Variants in CDYL observed in about 807,000 individuals in gnomAD.
CDYL encodes chromodomain Y like, also known as chromodomain Y-like protein.
A neutral mutation model predicts 47.3 loss-of-function variants in CDYL; 8 were observed. The observed-to-expected ratio is 0.17, with a 90% CI of 0.10 to 0.31. The LOEUF is 0.31. Ranked by LOEUF, CDYL falls within the 10% of genes least tolerant of loss-of-function variation. The probability of loss-of-function intolerance (pLI) is 1.00; values close to 1 mark genes in which losing one functional copy is unlikely to be tolerated. For synonymous variants in CDYL, 266 were observed against 265.0 expected, an observed-to-expected ratio of 1.00 and a Z score of -0.04; for missense variants, 471 against 701.4, an observed-to-expected ratio of 0.67 and a Z score of 3.71.
At chr6:4,733,443 A>T (rs1757645221) in intron 2 of CDYL, among the ~76,000 whole-genome samples, 1 of 151,994 alleles carries the variant, frequency 6.6e-6, no homozygotes, top group South Asian at 2.1e-4. Context: ...AAAAGAAAAA[A>T]GTGAGTGGTT....
rs767150582 is a variant in CDYL at position 4,954,073 on chromosome 6, T to C, written c.*17T>C. 6.2e-7 allele frequency: 1 copy of C among 1,610,178 alleles called. No individual in the cohort carries two copies. The highest frequency in any genetic ancestry group is 8.5e-7 in the Non-Finnish European group (1 of 1,177,448). On this transcript the variant is annotated 3_prime_UTR_variant, in exon 7 of 7. Coordinates refer to ENST00000397588, the MANE Select transcript of CDYL (RefSeq NM_004824.4). ...GAGTTCTGAGTGTCGGGCTGCCCAC[T>C]GGTGACACCGGGATCGGGCTGAGCA... is the stretch of plus-strand genomic sequence containing the variant.
intron 5 of CDYL, among the ~76,000 whole-genome samples, chr6:4,948,911 C>T (rs904580726): frequency 1.3e-5 from 2 of 152,232 alleles, no homozygotes; most frequent in Admixed American, 6.5e-5. Context: ...TAAATGATGT[C>T]GTTCCTTTCA....
In CDYL at chr6:4,927,428, C is replaced by CGTGTGTGTGTGTGTGTGTGTGTGTGT. The variant is rs35317751; in HGVS notation, c.692-8080_692-8055dup. On this transcript the variant is annotated intron_variant, in intron 2 of 6. Coordinates refer to ENST00000397588, the MANE Select transcript of CDYL (RefSeq NM_004824.4). The stretch of plus-strand genomic sequence containing the variant: ...CATTCCATCATTCGAATTTACTGTA[C>CGTGTGTGTGTGTGTGTGTGTGTGTGT]GTGTGTGTGTGTGTGTGTGTGTGTG... 2.0e-4 allele frequency among the ~76,000 whole-genome samples: 28 copies of CGTGTGTGTGTGTGTGTGTGTGTGTGT among 142,456 alleles called. 1 individual carries two copies. The highest frequency in any genetic ancestry group is 4.3e-4 in the African/African-American group (16 of 37,040). The allele number at this position is 142,456 out of a possible 152,430, so 93.5% of individuals were successfully genotyped here.
At chr6:4,868,044 G>A (rs1761371272) in intron 1 of CDYL, among the ~76,000 whole-genome samples, 1 of 151,748 alleles carries the variant, frequency 6.6e-6, no homozygotes, top group Non-Finnish European at 1.5e-5. Context: ...TATCAGTTTT[G>A]TTGAACCTTT....
In CDYL at chr6:4,737,373, C is replaced by G. The variant is rs1377038573; in HGVS notation, c.186+2529C>G. Among the ~76,000 whole-genome samples, 3 of 132,260 alleles carry G rather than the reference C, an allele frequency of 2.3e-5. No homozygotes were observed. The Admixed American group carries it at 2.3e-4, about 10-fold the overall frequency. 86.8% of individuals were successfully genotyped at this position (132,260 alleles called of 152,430 possible). Reference sequence around the variant, plus strand: ...TATTTGCAACAAAAATTAAAAGGGGCCAGGCGCAGTGGCTCACGCCTGTAA... The same window carrying G: ...TATTTGCAACAAAAATTAAAAGGGGGCAGGCGCAGTGGCTCACGCCTGTAA... On this transcript the variant is annotated intron_variant, in intron 3 of 8. Transcript: ENST00000328908.
chr6:4,743,069 A>T (rs1757825713), intron 3 of CDYL, among the ~76,000 whole-genome samples: 1 of 152,156 alleles, frequency 6.6e-6, no homozygotes, highest in Non-Finnish European at 1.5e-5. Context: ...CTGATCTTTT[A>T]TTTAGAGCTC....
chr6:4,789,684 CG>C (rs1459619572), intron 1 of CDYL, among the ~76,000 whole-genome samples: 1 of 152,164 alleles, frequency 6.6e-6, no homozygotes, highest in African/African-American at 2.4e-5. Context: ...CTGGGTTCAG[CG>C]TTGTTCCCAA....
intron 2 of CDYL, among the ~76,000 whole-genome samples, chr6:4,895,882 CAT>C (rs1297989702): frequency 1.3e-5 from 2 of 152,220 alleles, no homozygotes; most frequent in East Asian, 1.9e-4. Flanking sequence ...TCCATCCACA[CAT>C]GTGGCATTGG....
chr6:4,767,222 A>G (rs1758267750), intron 3 of CDYL, among the ~76,000 whole-genome samples: 1 of 152,038 alleles, frequency 6.6e-6, no homozygotes, highest in Admixed American at 6.6e-5. Flanking sequence ...TCATTTGATC[A>G]TTTCAGTAGA....
intron 5 of CDYL, among the ~76,000 whole-genome samples, chr6:4,947,644 CCT>C (rs3838326): frequency 0.18 from 26,650 of 152,024 alleles, 2,526 homozygotes; most frequent in Non-Finnish European, 0.2. Context: ...AGTTTCTAAA[CCT>C]CTCTCTTCAC....
chr6:4,791,409 T>C (rs1758912770), intron 1 of CDYL, among the ~76,000 whole-genome samples: 1 of 152,260 alleles, frequency 6.6e-6, no homozygotes, highest in South Asian at 2.1e-4. Flanking sequence ...AGTACTTTAG[T>C]TCACGTCAAA....
intron 2 of CDYL, among the ~76,000 whole-genome samples, chr6:4,920,520 G>A (rs761112269): frequency 1.3e-5 from 2 of 152,234 alleles, no homozygotes; most frequent in Admixed American, 6.5e-5. Context: ...GGAGGGCGCC[G>A]TTCCTGGAAC....
At chr6:4,952,158 G>A (rs1306805874) in intron 5 of CDYL, 108 bp from the exon 6 acceptor site, 11 of 1,309,566 alleles carry the variant, frequency 8.4e-6, no homozygotes, top group Admixed American at 2.4e-5. Flanking sequence ...ATTTCCCTGC[G>A]GGGCTGGTAT....
chr6:4,824,377 C>T (rs62386586), intron 1 of CDYL, among the ~76,000 whole-genome samples: 1 of 144,512 alleles, frequency 6.9e-6, no homozygotes, highest in South Asian at 2.1e-4. Flanking sequence ...TAGCAGCGCT[C>T]GGCTCGGCAG....
rs556379025 is a variant in CDYL at position 4,761,556 on chromosome 6, C to T, written c.186+26712C>T. ...ACAGGGTTTCACCATGTTGGCCAGG[C>T]TGGTCTTGAACTCTTGACCTTGTGA... On this transcript the variant is annotated intron_variant, in intron 3 of 8. Coordinates refer to the CDYL transcript ENST00000328908. Among the ~76,000 whole-genome samples, 34 of 151,598 alleles carry T rather than the reference C, an allele frequency of 2.2e-4. 2 individuals carry two copies. In the South Asian group the frequency reaches 6.1e-3, roughly 27 times the overall value.
chr6:4,722,254 G>A (rs369530404), intron 2 of CDYL, among the ~76,000 whole-genome samples: 1 of 151,632 alleles, frequency 6.6e-6, no homozygotes, highest in Admixed American at 6.6e-5. Context: ...AACACTTGAG[G>A]CCAGTTCAAC....
chr6:4,825,018 C>T (rs1486724797), intron 1 of CDYL, among the ~76,000 whole-genome samples: 1 of 151,920 alleles, frequency 6.6e-6, no homozygotes, highest in Non-Finnish European at 1.5e-5. Flanking sequence ...TTACAGGTGC[C>T]CACCACCAAG....
intron 2 of CDYL, among the ~76,000 whole-genome samples, chr6:4,899,791 G>C (rs952261908): frequency 6.6e-6 from 1 of 152,154 alleles, no homozygotes; most frequent in Non-Finnish European, 1.5e-5. Context: ...GAAGTTTAGG[G>C]AACGAACCCT....
intron 1 of CDYL, among the ~76,000 whole-genome samples, chr6:4,840,217 T>C (rs929177952): frequency 2.0e-5 from 3 of 152,144 alleles, no homozygotes; most frequent in Non-Finnish European, 4.4e-5. Flanking sequence ...CCTTGGTTGT[T>C]GTTGGTGTAT....
Sources: gnomAD v4.1 joint callset for allele counts (sites outside exome capture counted in the v4.1 genomes callset) on GRCh38, gnomAD v4.1.1 for gene constraint, MANE v1.5 for transcripts, NCBI Gene and HGNC (gene_info 2026-07-23, HGNC 2026-07-21) for gene names.